Variants in ELL observed in about 807,000 individuals in gnomAD.
The protein encoded by ELL is elongation factor for RNA polymerase II, also known as RNA polymerase II elongation factor ELL.
ELL carries 18 observed loss-of-function variants against 64.0 expected under a neutral mutation model. The observed-to-expected ratio is 0.28, with a 90% CI of 0.19 to 0.42. The LOEUF is 0.42. Ranked by LOEUF, ELL falls within the 10% of genes least tolerant of loss-of-function variation. ELL has a pLI of 1.00. For missense variants in ELL, 797 were observed against 870.4 expected (o/e 0.92, Z 1.06); for synonymous variants, 399 against 376.2 (o/e 1.06, Z -0.70).
At chr19:18,513,417 A>G (rs910722360) in intron 1 of ELL, among the ~76,000 whole-genome samples, 1 of 152,196 alleles carries the variant, frequency 6.6e-6, no homozygotes, top group Admixed American at 6.5e-5. Context: ...ATTAAAACAT[A>G]AAGTGTTCAG....
At chr19:18,484,187 G>A (rs569790343) in intron 1 of ELL, among the ~76,000 whole-genome samples, 40 of 152,356 alleles carry the variant, frequency 2.6e-4, no homozygotes, top group African/African-American at 9.1e-4. Flanking sequence ...GCAGCCAGAC[G>A]CTGTGGTGGC....
intron 1 of ELL, among the ~76,000 whole-genome samples, chr19:18,509,909 T>G (rs1975980221): frequency 6.6e-6 from 1 of 152,014 alleles, no homozygotes; most frequent in African/African-American, 2.4e-5. Flanking sequence ...AAAAGCTTAA[T>G]CCAAAAAGGG....
Position 18,442,705 on chromosome 19 carries a change from T to C in ELL, c.*2047A>G, listed in dbSNP as rs981037534. On this transcript the variant is annotated 3_prime_UTR_variant, in exon 12 of 12. Transcript: ENST00000262809. ...TATTGGAGAATGAAAAAAGTCAGCATTCACCTGTTTAGTGTACAAAAAGGA... is the reference window on the plus strand; with the variant it reads ...TATTGGAGAATGAAAAAAGTCAGCACTCACCTGTTTAGTGTACAAAAAGGA... 5.2e-6 allele frequency: 1 copy of C among 192,894 alleles called. No homozygotes were observed. Among genetic ancestry groups the C allele is most frequent in the Admixed American group, 6.1e-5 (1 of 16,312 alleles). 11.9% of individuals were successfully genotyped at this position (192,894 alleles called of 1,614,324 possible). A position where few individuals can be genotyped will look rare whatever the true frequency, so the allele number is the denominator to read the frequency against.
rs1974943038 is a variant in ELL at position 18,466,671 on chromosome 19, C to A, written c.184-753G>T. Among the ~76,000 whole-genome samples the A allele has an allele frequency of 3.3e-5, 5 of 152,326 alleles. No individual in the cohort carries two copies. The South Asian group carries it at 1.0e-3, about 32-fold the overall frequency. Reference sequence around the variant, plus strand: ...GTGCAGGGCGGCATCACATCAGAGGCCATTGCATTCCAGGCTGACCCCAGA... The same window carrying A: ...GTGCAGGGCGGCATCACATCAGAGGACATTGCATTCCAGGCTGACCCCAGA... On this transcript the variant is annotated intron_variant, in intron 2 of 11. Coordinates refer to ENST00000262809, the MANE Select transcript of ELL (RefSeq NM_006532.4).
At chr19:18,483,815 G>C (rs896581513) in intron 1 of ELL, among the ~76,000 whole-genome samples, 16 of 152,134 alleles carry the variant, frequency 1.1e-4, no homozygotes, top group African/African-American at 3.9e-4. Context: ...CTCCCTCCAA[G>C]GGAGGGACAA....
intron 1 of ELL, among the ~76,000 whole-genome samples, chr19:18,484,323 G>A (rs1352713180): frequency 6.6e-6 from 1 of 152,202 alleles, no homozygotes; most frequent in Non-Finnish European, 1.5e-5. Flanking sequence ...ACTTTGGCCA[G>A]GCGTGGTGGC....
At chr19:18,509,931 G>A (rs562492859) in intron 1 of ELL, among the ~76,000 whole-genome samples, 1 of 152,322 alleles carries the variant, frequency 6.6e-6, no homozygotes, top group South Asian at 2.1e-4. Flanking sequence ...TAAAAATAGA[G>A]ATTCTGCACC....
chr19:18,465,151 T>G (rs886903172), intron 4 of ELL, among the ~76,000 whole-genome samples: 2 of 152,216 alleles, frequency 1.3e-5, no homozygotes, highest in Non-Finnish European at 2.9e-5. Flanking sequence ...CAGGCCCCTT[T>G]GTCCACCTCA....
intron 1 of ELL, among the ~76,000 whole-genome samples, chr19:18,476,651 G>A (rs1488059162): frequency 1.3e-5 from 2 of 152,192 alleles, no homozygotes; most frequent in Non-Finnish European, 2.9e-5. Flanking sequence ...GGGCTGAGGG[G>A]CCACAGAGCC....
intron 1 of ELL, among the ~76,000 whole-genome samples, chr19:18,486,361 C>G (rs941421128): frequency 2.6e-5 from 4 of 152,228 alleles, no homozygotes; most frequent in Admixed American, 6.5e-5. Context: ...CAGACCCACC[C>G]AAGATGTACT....
chr19:18,501,859 A>AG lies in ELL; in HGVS notation c.135+20061dup, dbSNP rs1975785170. On this transcript the variant is annotated intron_variant, in intron 1 of 11. Transcript: ENST00000262809. The surrounding 1 kb of genome is among the most constrained non-coding windows in gnomAD (Gnocchi z 4.5). ...CGGGTGGGCAGGAAGGAGGGGAGGCAGCATGGGCACCAGTGACCAGGACAG... is the reference window on the plus strand; with the variant it reads ...CGGGTGGGCAGGAAGGAGGGGAGGCAGGCATGGGCACCAGTGACCAGGACAG... Among the ~76,000 whole-genome samples the AG allele has an allele frequency of 6.6e-6, 1 of 152,194 alleles. No homozygotes were observed. Among genetic ancestry groups the AG allele is most frequent in the Non-Finnish European group, 1.5e-5 (1 of 68,026 alleles).
chr19:18,454,256 T>G (rs1485941845), intron 6 of ELL, among the ~76,000 whole-genome samples: 1 of 152,186 alleles, frequency 6.6e-6, no homozygotes, highest in African/African-American at 2.4e-5. Flanking sequence ...TCCCAGCACT[T>G]TGGGAGGCCG....
At chr19:18,474,061 C>A (rs1177155147) in intron 1 of ELL, among the ~76,000 whole-genome samples, 1 of 152,246 alleles carries the variant, frequency 6.6e-6, no homozygotes, top group Non-Finnish European at 1.5e-5. Context: ...GAGACAACAC[C>A]TACCCCATGG....
chr19:18,514,182 C>A (rs1396219681), intron 1 of ELL, among the ~76,000 whole-genome samples: 2 of 151,874 alleles, frequency 1.3e-5, no homozygotes, highest in Non-Finnish European at 2.9e-5. Flanking sequence ...AGTCTCCCTG[C>A]GGATGGTTTA....
chr19:18,517,317 G>A (rs1360239119), intron 1 of ELL, among the ~76,000 whole-genome samples: 1 of 152,126 alleles, frequency 6.6e-6, no homozygotes, highest in Non-Finnish European at 1.5e-5. Flanking sequence ...GAGTGCAGTG[G>A]TGCGATCTCG....
In ELL at chr19:18,496,448, T is replaced by TTCCTCTAC. The variant is rs113776261; in HGVS notation, c.136-23574_136-23567dup. On this transcript the variant is annotated intron_variant, in intron 1 of 11. Transcript: ENST00000262809. ...CAGCCTCACACTGCACCCAGAGTGC[T>TTCCTCTAC]TCCTCTACTTCCTGTGGTAACAGAG... Among the ~76,000 whole-genome samples the TTCCTCTAC allele has an allele frequency of 8.0e-3, 1,225 of 152,260 alleles. 17 individuals carry two copies. The highest frequency in any genetic ancestry group is 0.028 in the African/African-American group (1,145 of 41,528).
At chr19:18,518,166 A>G (rs1976168859) in intron 1 of ELL, among the ~76,000 whole-genome samples, 1 of 151,036 alleles carries the variant, frequency 6.6e-6, no homozygotes, top group Non-Finnish European at 1.5e-5. Context: ...CCAGCCTAGC[A>G]ACAAGAGTGA....
intron 2 of ELL, among the ~76,000 whole-genome samples, chr19:18,469,533 C>T (rs1244181521): frequency 2.0e-5 from 3 of 152,240 alleles, no homozygotes; most frequent in Non-Finnish European, 2.9e-5. Flanking sequence ...CAGTGACCCA[C>T]GTACCAGTGG....
chr19:18,477,818 G>A (rs1227269109), intron 1 of ELL, among the ~76,000 whole-genome samples: 1 of 152,150 alleles, frequency 6.6e-6, no homozygotes, highest in Non-Finnish European at 1.5e-5. Context: ...AGGATGACGC[G>A]GGCACAGTGA....
Sources: gnomAD v4.1 joint callset for allele counts (sites outside exome capture counted in the v4.1 genomes callset) on GRCh38, gnomAD v4.1.1 for gene constraint, Gnocchi (gnomAD v3.1) non-coding constraint, MANE v1.5 for transcripts, NCBI Gene and HGNC (gene_info 2026-07-23, HGNC 2026-07-21) for gene names.